The following FKBP9 variants were observed in gnomAD, a reference collection of about 807,000 sequenced individuals.
The protein encoded by FKBP9 is peptidyl-prolyl cis-trans isomerase FKBP9.
FKBP9 carries 27 observed loss-of-function variants against 55.6 expected under a neutral mutation model. The observed-to-expected ratio is 0.49, with a 90% CI of 0.36 to 0.67. The LOEUF is 0.67. Among genes scored for constraint, FKBP9 ranks in the 30% least tolerant of loss-of-function variants. FKBP9 has a pLI of 0.00. For synonymous variants in FKBP9, 267 were observed against 296.5 expected (o/e 0.90, Z 1.02); for missense variants, 539 against 742.8 (o/e 0.73, Z 3.19).
At chr7:32,964,967 G>A (rs1183614605) in intron 1 of FKBP9, among the ~76,000 whole-genome samples, 4 of 152,190 alleles carry the variant, frequency 2.6e-5, no homozygotes, top group Non-Finnish European at 5.9e-5. Flanking sequence ...GTGGTGGCAG[G>A]ACCACAGTCC....
At chr7:32,968,571 C>G (rs917330637) in intron 1 of FKBP9, among the ~76,000 whole-genome samples, 1 of 148,612 alleles carries the variant, frequency 6.7e-6, no homozygotes, top group African/African-American at 2.5e-5. Flanking sequence ...TTTTCTTTTT[C>G]TTTCTTTTTT....
At chr7:32,975,924 G>A (rs1237294402) in intron 3 of FKBP9, among the ~76,000 whole-genome samples, 1 of 152,162 alleles carries the variant, frequency 6.6e-6, no homozygotes, top group Admixed American at 6.5e-5. Flanking sequence ...GGGATTACAG[G>A]CGTGAGCCAC....
rs1344638214 is a variant in FKBP9, at chr7:32,975,232, G to T, written c.418G>T (p.Asp140Tyr). ...GCTTCATTTTGATGTACTTCTGATG[G>T]ATATTTGGAATTCTGAAGACCAGGT... ...SVLHFDVLLMDIWNSEDQVQI... is the reference protein window; with the variant it reads ...SVLHFDVLLMYIWNSEDQVQI... The change falls in exon 3 of 10, where the codon GAT (aspartate) becomes TAT (tyrosine). Residue 140 changes from aspartate to tyrosine, a missense_variant. Physicochemically the swap from Asp to Tyr is radical, Grantham distance 160. Around this residue, in one of 4 missense-constraint regions of FKBP9, gnomAD observed 236 missense variants for 271.5 expected, o/e 0.87. Coordinates refer to ENST00000242209, the MANE Select transcript of FKBP9 (RefSeq NM_007270.5). 6.2e-7 allele frequency: 1 copy of T among 1,613,688 alleles called. No homozygotes were observed. Among genetic ancestry groups the T allele is most frequent in the Non-Finnish European group, 8.5e-7 (1 of 1,179,760 alleles).
chr7:32,967,079 C>T (rs1784159239), intron 1 of FKBP9, among the ~76,000 whole-genome samples: 1 of 152,156 alleles, frequency 6.6e-6, no homozygotes, highest in African/African-American at 2.4e-5. Context: ...AACTAAAGGG[C>T]CCGGTTCCTG....
intron 7 of FKBP9, among the ~76,000 whole-genome samples, chr7:32,999,414 C>T (rs1414257433): frequency 1.4e-5 from 2 of 147,954 alleles, no homozygotes; most frequent in African/African-American, 5.0e-5. Context: ...ATAGAGCAAA[C>T]TTTTTTTTAA....
At chr7:32,982,984 ATGTGTGTGTGTGTG>A (rs71559288) in intron 5 of FKBP9, among the ~76,000 whole-genome samples, 6 of 142,138 alleles carry the variant, frequency 4.2e-5, no homozygotes, top group African/African-American at 7.8e-5. Flanking sequence ...GTCAAAGGTT[ATGTGTGTGTGTGTG>A]TGTGTGTGTG....
At chr7:33,003,922 CAT>C (rs910963818) in intron 9 of FKBP9, among the ~76,000 whole-genome samples, 12 of 152,108 alleles carry the variant, frequency 7.9e-5, no homozygotes, top group African/African-American at 2.4e-4. Flanking sequence ...ACTTCACACT[CAT>C]GTGTTCAGCT....
chr7:32,992,564 A>T (rs1784706468), intron 6 of FKBP9, among the ~76,000 whole-genome samples: 2 of 152,180 alleles, frequency 1.3e-5, no homozygotes, highest in African/African-American at 2.4e-5. Flanking sequence ...ACGTTGGACT[A>T]TTTCTGCCCG....
rs893072069 is a variant in FKBP9 at position 33,000,974 on chromosome 7, C to T, written c.1372+714C>T. Among the ~76,000 whole-genome samples, 9 of 152,016 alleles carry T rather than the reference C, an allele frequency of 5.9e-5. No homozygotes were observed. In the South Asian group the frequency reaches 1.7e-3, roughly 28 times the overall value. ...TTTTTATTTTTTAGAGACAGAGTCTCGCTATCTTTCCCATGCTGGTCTTAA... is the reference window on the plus strand; with the variant it reads ...TTTTTATTTTTTAGAGACAGAGTCTTGCTATCTTTCCCATGCTGGTCTTAA... On this transcript the variant is annotated intron_variant, in intron 8 of 9. Transcript: ENST00000242209.
At chr7:32,962,090 A>G (rs1379160065) in intron 1 of FKBP9, among the ~76,000 whole-genome samples, 2 of 152,108 alleles carry the variant, frequency 1.3e-5, no homozygotes, top group African/African-American at 4.8e-5. Context: ...GTTGGGGACC[A>G]CTGCTCTAAA....
chr7:32,984,882 T>C (rs1465881487), intron 5 of FKBP9, among the ~76,000 whole-genome samples: 1 of 152,240 alleles, frequency 6.6e-6, no homozygotes, highest in Non-Finnish European at 1.5e-5. Context: ...TAAATTCTTA[T>C]ATGTACTTTT....
At chr7:32,982,654 G>C (rs529245757) in intron 5 of FKBP9, among the ~76,000 whole-genome samples, 3 of 151,940 alleles carry the variant, frequency 2.0e-5, no homozygotes, top group Non-Finnish European at 4.4e-5. Flanking sequence ...GTGTGGTTCT[G>C]TTCTTTATTC....
At chr7:32,990,868 C>T (rs1330419812) in intron 6 of FKBP9, among the ~76,000 whole-genome samples, 4 of 152,146 alleles carry the variant, frequency 2.6e-5, no homozygotes, top group Non-Finnish European at 5.9e-5. Context: ...TAGTGTTCAT[C>T]CCAGAGGATC....
intron 1 of FKBP9, among the ~76,000 whole-genome samples, chr7:32,965,690 C>T (rs1218686926): frequency 7.1e-6 from 1 of 141,842 alleles, no homozygotes; most frequent in Admixed American, 7.2e-5. Flanking sequence ...CCCAGCTACT[C>T]AGGAGGCTGA....
At position 32,977,289 on chromosome 7, in the gene FKBP9, T is replaced by C. The variant is rs111879806; in HGVS notation, c.703+790T>C. Among the ~76,000 whole-genome samples, 594 of 152,334 alleles carry C rather than the reference T, an allele frequency of 3.9e-3. 6 individuals are homozygous for C. The highest frequency in any genetic ancestry group is 0.014 in the African/African-American group (566 of 41,576). On this transcript the variant is annotated intron_variant, in intron 4 of 9. Coordinates refer to ENST00000242209, the MANE Select transcript of FKBP9 (RefSeq NM_007270.5). ...AACAGCAGATGGATACAATGATGTG[T>C]TGATTCATAATGGGGATATGTTCTG... is the stretch of plus-strand genomic sequence containing the variant.
At chr7:32,975,706 G>A (rs1784351711) in intron 3 of FKBP9, among the ~76,000 whole-genome samples, 2 of 151,718 alleles carry the variant, frequency 1.3e-5, no homozygotes, top group African/African-American at 4.8e-5. Flanking sequence ...GAGTACAGTG[G>A]CACGATCTTG....
At chr7:32,965,875 A>ATG (rs1236780610) in intron 1 of FKBP9, among the ~76,000 whole-genome samples, 1 of 90,410 alleles carries the variant, frequency 1.1e-5, no homozygotes, top group Non-Finnish European at 2.1e-5. Context: ...ATACATACAT[A>ATG]TATATATATA....
chr7:32,962,847 G>A (rs923397119), intron 1 of FKBP9, among the ~76,000 whole-genome samples: 46 of 145,546 alleles, frequency 3.2e-4, no homozygotes, highest in Non-Finnish European at 1.5e-5. Flanking sequence ...GTAGAAGTTG[G>A]TGAGGACTAT....
At chr7:32,972,673 A>G (rs1208456018) in intron 1 of FKBP9, among the ~76,000 whole-genome samples, 1 of 152,120 alleles carries the variant, frequency 6.6e-6, no homozygotes, top group Non-Finnish European at 1.5e-5. Flanking sequence ...ATGCATCTAT[A>G]TATGTAAGTT....
Sources: gnomAD v4.1 joint callset for allele counts (sites outside exome capture counted in the v4.1 genomes callset) on GRCh38, gnomAD v4.1.1 for gene constraint, gnomAD v4.1.1 regional missense constraint, MANE v1.5 for transcripts, NCBI Gene and HGNC (gene_info 2026-07-23, HGNC 2026-07-21) for gene names.